The following NCOA1 variants were observed in gnomAD, a reference collection of about 807,000 sequenced individuals.
The protein encoded by NCOA1 is nuclear receptor coactivator 1.
Under a neutral mutation model 150.9 loss-of-function variants are expected in NCOA1, and 35 were observed. The ratio of observed to expected loss-of-function variants is 0.23; its 90% CI spans 0.18 to 0.31. The LOEUF (loss-of-function observed/expected upper bound fraction) is 0.31, where lower values mean the gene tolerates loss of function less well. Ranked by LOEUF, NCOA1 falls within the 10% of genes least tolerant of loss-of-function variation. The probability of loss-of-function intolerance (pLI) is 1.00; values close to 1 mark genes in which losing one functional copy is unlikely to be tolerated. For synonymous variants in NCOA1, 590 were observed against 630.0 expected (o/e 0.94, Z 0.95); for missense variants, 1,491 against 1,749.3 (o/e 0.85, Z 2.63).
chr2:24,596,422 A>G (rs942084284), intron 3 of NCOA1, among the ~76,000 whole-genome samples: 9 of 152,314 alleles, frequency 5.9e-5, no homozygotes, highest in African/African-American at 1.9e-4. Flanking sequence ...TCCTTAGCGT[A>G]GTAGTCTCAC....
intron 1 of NCOA1, among the ~76,000 whole-genome samples, chr2:24,497,991 T>G (rs1026736855): frequency 1.3e-5 from 2 of 152,248 alleles, no homozygotes; most frequent in African/African-American, 4.8e-5. Flanking sequence ...CAAGCATAGA[T>G]TTGATTATTT....
intron 3 of NCOA1, among the ~76,000 whole-genome samples, chr2:24,609,138 G>C (rs1668511162): frequency 6.6e-6 from 1 of 152,160 alleles, no homozygotes; most frequent in Non-Finnish European, 1.5e-5. Context: ...GAGGACATGG[G>C]AATTAAGTTT....
chr2:24,673,295 C>T, intron 6 of NCOA1, 71 bp from the exon 7 acceptor site: 1 of 1,075,658 alleles, frequency 9.3e-7, no homozygotes, highest in Non-Finnish European at 1.3e-6. Flanking sequence ...GGATCTATGT[C>T]TTCGTAAACT....
intron 1 of NCOA1, among the ~76,000 whole-genome samples, chr2:24,522,999 A>T (rs1664482251): frequency 6.6e-6 from 1 of 152,208 alleles, no homozygotes; most frequent in South Asian, 2.1e-4. Context: ...TGCTTATCTT[A>T]TATCAGGCAT....
chr2:24,685,051 G>C (rs369244832), intron 8 of NCOA1, among the ~76,000 whole-genome samples: 1 of 151,892 alleles, frequency 6.6e-6, no homozygotes, highest in Admixed American at 6.5e-5. Context: ...TCAAGATTCA[G>C]AACCTATCAA....
intron 1 of NCOA1, among the ~76,000 whole-genome samples, chr2:24,555,467 G>T (rs1666033503): frequency 6.6e-6 from 1 of 152,156 alleles, no homozygotes; most frequent in Admixed American, 6.5e-5. Context: ...TGTCCAGTTT[G>T]ATCAAGTTAG....
chr2:24,674,463 C>T (rs901212560), intron 7 of NCOA1, among the ~76,000 whole-genome samples: 1 of 152,134 alleles, frequency 6.6e-6, no homozygotes, highest in African/African-American at 2.4e-5. Flanking sequence ...ACCTCGGCCT[C>T]CCAAAGTGCT....
At chr2:24,667,449 G>A (rs1321799233) in intron 6 of NCOA1, among the ~76,000 whole-genome samples, 3 of 152,020 alleles carry the variant, frequency 2.0e-5, no homozygotes, top group Admixed American at 6.5e-5. Flanking sequence ...GGTATTGGGG[G>A]AAAGCCTGTA....
At chr2:24,546,072 A>C (rs1309090979) in intron 1 of NCOA1, among the ~76,000 whole-genome samples, 1 of 152,182 alleles carries the variant, frequency 6.6e-6, no homozygotes, top group African/African-American at 2.4e-5. Flanking sequence ...TACAGGCATG[A>C]GCCACCACAC....
chr2:24,678,128 A>G (rs1672003275), intron 7 of NCOA1, among the ~76,000 whole-genome samples: 1 of 152,194 alleles, frequency 6.6e-6, no homozygotes, highest in Non-Finnish European at 1.5e-5. Context: ...ATAAGTGAGA[A>G]CATGCAGCAT....
chr2:24,581,296 A>G (rs1667183994), intron 2 of NCOA1, among the ~76,000 whole-genome samples: 1 of 152,296 alleles, frequency 6.6e-6, no homozygotes, highest in Non-Finnish European at 1.5e-5. Flanking sequence ...CACTGTGGAA[A>G]AGGAGGTCTC....
intron 3 of NCOA1, among the ~76,000 whole-genome samples, chr2:24,589,991 A>G (rs761815026): frequency 3.1e-4 from 47 of 152,164 alleles, no homozygotes; most frequent in Non-Finnish European, 6.0e-4. Flanking sequence ...TCTGACTGTC[A>G]TGAGCAGAAG....
At chr2:24,608,555 C>G (rs1283455669) in intron 3 of NCOA1, among the ~76,000 whole-genome samples, 1 of 151,788 alleles carries the variant, frequency 6.6e-6, no homozygotes, top group African/African-American at 2.4e-5. Context: ...GCATGAGCCA[C>G]CATGCCTGGC....
At chr2:24,591,048 A>C (rs1032467113) in intron 3 of NCOA1, among the ~76,000 whole-genome samples, 1 of 152,242 alleles carries the variant, frequency 6.6e-6, no homozygotes, top group Non-Finnish European at 1.5e-5. Flanking sequence ...CAAAATTTAG[A>C]TAATTGTCTA....
At chr2:24,581,916 C>A (rs1343576334) in intron 2 of NCOA1, among the ~76,000 whole-genome samples, 1 of 152,116 alleles carries the variant, frequency 6.6e-6, no homozygotes, top group East Asian at 1.9e-4. Flanking sequence ...TCCCTTCATG[C>A]TAAATCTCTC....
intron 10 of NCOA1, among the ~76,000 whole-genome samples, chr2:24,694,181 C>G (rs1321724899): frequency 6.6e-6 from 1 of 152,186 alleles, no homozygotes; most frequent in African/African-American, 2.4e-5. Context: ...TAAAGGCCTA[C>G]TTCAGATTTT....
chr2:24,500,221 G>T (rs528855765), intron 1 of NCOA1, among the ~76,000 whole-genome samples: 2 of 152,196 alleles, frequency 1.3e-5, no homozygotes, highest in Admixed American at 1.3e-4. Context: ...TGATTCTCCT[G>T]CCTCAGATTC....
At chr2:24,642,839 A>C (rs1193044458) in intron 3 of NCOA1, among the ~76,000 whole-genome samples, 1 of 152,236 alleles carries the variant, frequency 6.6e-6, no homozygotes, top group Non-Finnish European at 1.5e-5. Flanking sequence ...TCTCAAGGGC[A>C]TTATGCTGAG....
intron 1 of NCOA1, among the ~76,000 whole-genome samples, chr2:24,533,554 G>A (rs1664989725): frequency 1.3e-5 from 2 of 152,132 alleles, no homozygotes; most frequent in African/African-American, 2.4e-5. Flanking sequence ...TCCAGTTTTT[G>A]CCCATTCAGT....
Sources: allele counts gnomAD v4.1 joint callset (sites outside exome capture counted in the v4.1 genomes callset), GRCh38; gene constraint gnomAD v4.1.1; transcripts MANE v1.5; gene names NCBI Gene and HGNC (gene_info 2026-07-23, HGNC 2026-07-21).